HDGF: variants seen among roughly 807,000 people sequenced by gnomAD.
HDGF encodes hepatoma-derived growth factor.
HDGF carries 5 observed loss-of-function variants against 30.0 expected under a neutral mutation model. The observed-to-expected ratio is 0.17, with a 90% CI of 0.09 to 0.35. The LOEUF is 0.35. Among genes scored for constraint, HDGF ranks in the 10% least tolerant of loss-of-function variants. The pLI, the probability that HDGF is intolerant of heterozygous loss-of-function variation, is 1.00. For missense variants in HDGF, 214 were observed against 302.8 expected (o/e 0.71, Z 2.18); for synonymous variants, 133 against 112.7 (o/e 1.18, Z -1.14).
At chr1:156,763,274 G>A (rs1651285882) in intron 1 of HDGF, among the ~76,000 whole-genome samples, 2 of 151,424 alleles carry the variant, frequency 1.3e-5, no homozygotes, top group South Asian at 2.1e-4. Flanking sequence ...CTGCAGTGGC[G>A]CGATCTCAGC....
chr1:156,753,737 G>A (rs1365114960), upstream of HDGF, among the ~76,000 whole-genome samples: 1 of 151,544 alleles, frequency 6.6e-6, no homozygotes, highest in East Asian at 1.9e-4. Context: ...TTTTAGTAGA[G>A]ACGGGGTTTC....
intron 1 of HDGF, among the ~76,000 whole-genome samples, chr1:156,761,344 C>T (rs187299188): frequency 2.6e-5 from 4 of 152,078 alleles, no homozygotes; most frequent in Admixed American, 1.3e-4. Flanking sequence ...CGCAGTAGCT[C>T]ACGCCTGTAA....
Position 156,742,312 on chromosome 1 carries a change from G to C in HDGF, c.*1137C>G, listed in dbSNP as rs189681903. 1.7e-3 allele frequency: 266 copies of C among 152,704 alleles called. 2 individuals carry two copies. The highest frequency in any genetic ancestry group is 2.3e-3 in the Non-Finnish European group (159 of 68,062). The allele number at this position is 152,704 out of a possible 1,614,324, so 9.5% of individuals were successfully genotyped here. A position where few individuals can be genotyped will look rare whatever the true frequency, so the allele number is the denominator to read the frequency against. ...CTTATTTCTCTCTGTCCTCTCAGTG[G>C]GTTACAAATCAGATCTGGTGACAAC... On this transcript the variant is annotated 3_prime_UTR_variant, in exon 6 of 6. Transcript: ENST00000357325.
intron 2 of HDGF, among the ~76,000 whole-genome samples, chr1:156,757,942 G>A (rs1275745916): frequency 6.6e-6 from 1 of 152,130 alleles, no homozygotes; most frequent in East Asian, 1.9e-4. Context: ...AAGTTCTATT[G>A]GACACCTTTG....
At chr1:156,758,697 G>A (rs1651196098) in intron 2 of HDGF, among the ~76,000 whole-genome samples, 1 of 151,936 alleles carries the variant, frequency 6.6e-6, no homozygotes, top group Non-Finnish European at 1.5e-5. Context: ...AGAATTACTT[G>A]AACCCAGGAA....
At position 156,761,105 on chromosome 1, in the gene HDGF, G is replaced by A. The variant is rs1444259523; in HGVS notation, n.137-1886C>T. ...GTTGGGGGGGATCAGCTGAGGTCACGGGTTCGAGACCAGCCTGGCTAACTT... is the reference window on the plus strand; with the variant it reads ...GTTGGGGGGGATCAGCTGAGGTCACAGGTTCGAGACCAGCCTGGCTAACTT... On this transcript the variant is annotated intron_variant and non_coding_transcript_variant, in intron 1 of 7. Transcript: ENST00000465180. Among the ~76,000 whole-genome samples the A allele has an allele frequency of 3.3e-5, 5 of 151,946 alleles. No homozygotes were observed. The East Asian group carries it at 7.7e-4, about 23-fold the overall frequency.
At chr1:156,758,611 A>ATAAAAATAAG (rs1491513719) in intron 2 of HDGF, among the ~76,000 whole-genome samples, 1 of 113,496 alleles carries the variant, frequency 8.8e-6, no homozygotes. Flanking sequence ...AAATAAATAA[A>ATAAAAATAAG]TAAATAAATA....
chr1:156,744,937 G>T, intron 3 of HDGF, 71 bp downstream of exon 3: 1 of 1,563,524 alleles, frequency 6.4e-7, no homozygotes, highest in South Asian at 1.1e-5. Flanking sequence ...CATCATCTGT[G>T]GGCCGGGGGC....
In HDGF at chr1:156,747,106, C is replaced by T. The variant is rs534592956; in HGVS notation, c.88-1733G>A. ...GCACAAACTGGGCCCTTCCCACAAC[C>T]AGGAGACGCTGGGTGTGAGAGCAGG... On this transcript the variant is annotated intron_variant, in intron 1 of 5. Transcript: ENST00000357325. Among the ~76,000 whole-genome samples, 122 of 152,000 alleles carry T rather than the reference C, an allele frequency of 8.0e-4. 1 individual carries two copies. The highest frequency in any genetic ancestry group is 3.7e-3 in the South Asian group (18 of 4,814).
intron 1 of HDGF, among the ~76,000 whole-genome samples, chr1:156,745,947 G>T (rs1323135759): frequency 6.6e-6 from 1 of 152,174 alleles, no homozygotes; most frequent in Non-Finnish European, 1.5e-5. Flanking sequence ...AGGATGAAAT[G>T]ACCATAACTT....
chr1:156,767,345 T>A (rs1651419852), upstream of HDGF, among the ~76,000 whole-genome samples: 1 of 152,130 alleles, frequency 6.6e-6, no homozygotes, highest in South Asian at 2.1e-4. Context: ...TCACCCCAGG[T>A]GTCCCTGCGT....
At chr1:156,754,888 C>T (rs1651129962), upstream of HDGF, among the ~76,000 whole-genome samples, 1 of 152,190 alleles carries the variant, frequency 6.6e-6, no homozygotes, top group Non-Finnish European at 1.5e-5. Context: ...GTGGAGGTTG[C>T]AGTGAGCTGA....
At chr1:156,745,544 G>A (rs1650471849) in intron 1 of HDGF, among the ~76,000 whole-genome samples, 171 bp from the exon 2 acceptor site, 1 of 152,144 alleles carries the variant, frequency 6.6e-6, no homozygotes, top group Non-Finnish European at 1.5e-5. Flanking sequence ...TTCAAATGAA[G>A]TCAGACATGA....
chr1:156,753,829 C>T (rs892425767), upstream of HDGF, among the ~76,000 whole-genome samples: 1 of 152,102 alleles, frequency 6.6e-6, no homozygotes, highest in East Asian at 1.9e-4. Context: ...GGGTTACAGG[C>T]GTGAGCCACC....
intron 3 of HDGF, chr1:156,744,636 A>T (rs1028237307): frequency 1.2e-6 from 1 of 858,028 alleles, no homozygotes; most frequent in Non-Finnish European, 1.5e-6. Flanking sequence ...TTCCCCGCCA[A>T]CCCCCGCCCC....
At chr1:156,751,993 G>C, upstream of HDGF, 1 of 1,529,480 alleles carries the variant, frequency 6.5e-7, no homozygotes, top group South Asian at 1.2e-5. The surrounding 1 kb of genome is among the most constrained non-coding windows in gnomAD (Gnocchi z 4.7). Context: ...CGCCCGGCTG[G>C]ACGGAGCGGC....
intron 1 of HDGF, among the ~76,000 whole-genome samples, chr1:156,761,165 T>G (rs1039345402): frequency 6.6e-6 from 1 of 151,590 alleles, no homozygotes; most frequent in Non-Finnish European, 1.5e-5. Flanking sequence ...ATACAAAAAT[T>G]AGCTGGGCGT....
chr1:156,747,118 G>A (rs943314069), intron 1 of HDGF, among the ~76,000 whole-genome samples: 2 of 151,584 alleles, frequency 1.3e-5, no homozygotes, highest in Non-Finnish European at 2.9e-5. Flanking sequence ...GGAGACGCTG[G>A]GTGTGAGAGC....
rs1571537756 is a variant in HDGF, at chr1:156,743,338, G to A, written c.*111C>T. On this transcript the variant is annotated 3_prime_UTR_variant, in exon 6 of 6. Coordinates refer to ENST00000357325, the MANE Select transcript of HDGF (RefSeq NM_004494.3). ...TGGGAAAAGTGAGTAGAAGAGGAGA[G>A]CAGGTTGGGGTGGGAAAGGGGTTCC... The A allele has an allele frequency of 8.9e-7, 1 of 1,124,752 alleles. No homozygotes were observed. Among genetic ancestry groups the A allele is most frequent in the Non-Finnish European group, 1.3e-6 (1 of 785,756 alleles). The allele number at this position is 1,124,752 out of a possible 1,614,324, so 69.7% of individuals were successfully genotyped here. A position where few individuals can be genotyped will look rare whatever the true frequency, so the allele number is the denominator to read the frequency against.
Sources: gnomAD v4.1 joint callset for allele counts (sites outside exome capture counted in the v4.1 genomes callset) on GRCh38, gnomAD v4.1.1 for gene constraint, Gnocchi (gnomAD v3.1) non-coding constraint, MANE v1.5 for transcripts, NCBI Gene and HGNC (gene_info 2026-07-23, HGNC 2026-07-21) for gene names.